The following FAR1 variants were observed in gnomAD, a reference collection of about 807,000 sequenced individuals.
The protein encoded by FAR1 is male sterility domain-containing protein 2.
FAR1 carries 22 observed loss-of-function variants against 61.1 expected under a neutral mutation model. The observed-to-expected ratio is 0.36, with a 90% CI of 0.26 to 0.51. The LOEUF (loss-of-function observed/expected upper bound fraction) is 0.51, where lower values mean the gene tolerates loss of function less well. Among genes scored for constraint, FAR1 ranks in the 20% least tolerant of loss-of-function variants. The pLI is 0.95. For missense variants in FAR1, 359 were observed against 626.9 expected, an observed-to-expected ratio of 0.57 and a Z score of 4.56; for synonymous variants, 206 against 209.7, an observed-to-expected ratio of 0.98 and a Z score of 0.15.
At chr11:13,724,834 T>G (rs1291967409) in intron 10 of FAR1, among the ~76,000 whole-genome samples, 1 of 152,218 alleles carries the variant, frequency 6.6e-6, no homozygotes, top group Admixed American at 6.5e-5. Flanking sequence ...ATATTAAAAG[T>G]GCCCAAGAGG....
intron 2 of FAR1, among the ~76,000 whole-genome samples, chr11:13,695,585 G>A (rs775934038): frequency 3.3e-5 from 5 of 152,148 alleles, no homozygotes; most frequent in Non-Finnish European, 7.4e-5. Flanking sequence ...TGAATCGGAA[G>A]GCTATAAGCT....
chr11:13,716,912 G>C (rs1248230567), intron 9 of FAR1, among the ~76,000 whole-genome samples: 1 of 151,424 alleles, frequency 6.6e-6, no homozygotes, highest in Admixed American at 6.6e-5. Flanking sequence ...ATTTACATTA[G>C]GTATTTCTCC....
rs115382259 is a variant in FAR1, at chr11:13,709,979, C to T, written c.546-714C>T. Among the ~76,000 whole-genome samples, 422 of 152,190 alleles carry T rather than the reference C, an allele frequency of 2.8e-3. 3 individuals carry two copies. Among genetic ancestry groups the T allele is most frequent in the African/African-American group, 9.9e-3 (413 of 41,554 alleles). On this transcript the variant is annotated intron_variant, in intron 4 of 11. Transcript: ENST00000354817. ...TCCTTTTACAGATGAACAGAGTAGA[C>T]CATTTCTTCAAAGAGAACTGGAGGA...
intron 3 of FAR1, among the ~76,000 whole-genome samples, chr11:13,703,246 C>A (rs754688522): frequency 6.6e-6 from 1 of 152,140 alleles, no homozygotes; most frequent in Admixed American, 6.5e-5. Flanking sequence ...TGCAGTGACA[C>A]AATCATGGCT....
intron 10 of FAR1, among the ~76,000 whole-genome samples, chr11:13,724,544 C>T (rs1356776325): frequency 1.5e-4 from 8 of 54,618 alleles, no homozygotes; most frequent in East Asian, 4.6e-4. Flanking sequence ...AACGAGACTC[C>T]GCCTCAAAAA....
intron 2 of FAR1, among the ~76,000 whole-genome samples, chr11:13,696,908 T>TGACTGG (rs1848312276): frequency 6.6e-6 from 1 of 152,188 alleles, no homozygotes; most frequent in Non-Finnish European, 1.5e-5. Context: ...TATGGGACAT[T>TGACTGG]GACTTATAGC....
At chr11:13,720,236 G>C (rs1334639455) in intron 9 of FAR1, 3 of 152,116 alleles carry the variant, frequency 2.0e-5, no homozygotes, top group Non-Finnish European at 4.4e-5. Flanking sequence ...GTGAACAAGA[G>C]TTAAGAAAAA....
At chr11:13,704,552 C>G (rs2134186995) in intron 3 of FAR1, among the ~76,000 whole-genome samples, 1 of 152,262 alleles carries the variant, frequency 6.6e-6, no homozygotes, top group South Asian at 2.1e-4. Flanking sequence ...GAATCATACT[C>G]CAGAGTTCTT....
intron 9 of FAR1, among the ~76,000 whole-genome samples, chr11:13,715,185 G>A (rs2134194533): frequency 6.6e-6 from 1 of 152,250 alleles, no homozygotes; most frequent in Middle Eastern, 3.4e-3. Context: ...TATTGGTAAG[G>A]TGGTGGCAGC....
intron 1 of FAR1, 81 bp from the exon 2 acceptor site, chr11:13,694,678 A>T (rs1180079439): frequency 1.5e-5 from 19 of 1,229,286 alleles, no homozygotes; most frequent in Non-Finnish European, 1.1e-6. Flanking sequence ...TAAAATACTT[A>T]TTTGAATACC....
chr11:13,698,529 T>C (rs1848333329), intron 2 of FAR1, among the ~76,000 whole-genome samples: 1 of 152,158 alleles, frequency 6.6e-6, no homozygotes, highest in African/African-American at 2.4e-5. Flanking sequence ...ATCACCTCTC[T>C]GCTTAAAATC....
chr11:13,688,257 A>G (rs551453749), intron 1 of FAR1, among the ~76,000 whole-genome samples: 112 of 150,496 alleles, frequency 7.4e-4, no homozygotes, highest in African/African-American at 2.6e-3. Context: ...TTTTTCCCCT[A>G]GGAGGAAAAT....
chr11:13,719,567 T>A (rs199613539), intron 9 of FAR1, among the ~76,000 whole-genome samples: 1 of 152,186 alleles, frequency 6.6e-6, no homozygotes, highest in Non-Finnish European at 1.5e-5. Context: ...TGACATTTTT[T>A]AAAAAATGGC....
At chr11:13,692,573 A>G (rs907294963) in intron 1 of FAR1, among the ~76,000 whole-genome samples, 6 of 152,034 alleles carry the variant, frequency 3.9e-5, no homozygotes, top group Non-Finnish European at 5.9e-5. Context: ...GGTGTTCTAT[A>G]CTGTTTTAAG....
chr11:13,672,399 A>T (rs78556130), intron 1 of FAR1, among the ~76,000 whole-genome samples: 24,131 of 151,746 alleles, frequency 0.16, 2,070 homozygotes, highest in South Asian at 0.24. Context: ...AAAAAAAAAA[A>T]AAAAATTAGT....
At chr11:13,703,974 G>A (rs1013435674) in intron 3 of FAR1, among the ~76,000 whole-genome samples, 6 of 150,724 alleles carry the variant, frequency 4.0e-5, no homozygotes, top group South Asian at 2.1e-4. Context: ...AACCTGGGAC[G>A]TGGAGGTTGC....
In FAR1 at chr11:13,727,333, G is replaced by A. The variant is rs577482176; in HGVS notation, c.1258-223G>A. Reference sequence around the variant, plus strand: ...TACTTCTCTTTAAATGCTGACATTAGTTTCCAGATTATCTTCTCAAATGTT... The same window carrying A: ...TACTTCTCTTTAAATGCTGACATTAATTTCCAGATTATCTTCTCAAATGTT... On this transcript the variant is annotated intron_variant, in intron 10 of 11. Transcript: ENST00000354817. Among the ~76,000 whole-genome samples, 5 of 151,848 alleles carry A rather than the reference G, an allele frequency of 3.3e-5. No homozygotes were observed. In the South Asian group the frequency reaches 1.0e-3, roughly 32 times the overall value.
At chr11:13,676,401 G>T (rs1013294473) in intron 1 of FAR1, among the ~76,000 whole-genome samples, 8 of 152,040 alleles carry the variant, frequency 5.3e-5, no homozygotes, top group African/African-American at 1.9e-4. Flanking sequence ...TCCCCCAGAA[G>T]TAAAAACTTT....
intron 11 of FAR1, among the ~76,000 whole-genome samples, chr11:13,728,259 T>A (rs1230594566): frequency 1.3e-5 from 2 of 151,916 alleles, no homozygotes; most frequent in Non-Finnish European, 2.9e-5. Flanking sequence ...TGTTTTATGC[T>A]TGGATAAGGG....
Sources: gnomAD v4.1 joint callset for allele counts (sites outside exome capture counted in the v4.1 genomes callset) on GRCh38, gnomAD v4.1.1 for gene constraint, MANE v1.5 for transcripts, NCBI Gene and HGNC (gene_info 2026-07-23, HGNC 2026-07-21) for gene names.